Variants in KIAA1217 observed in about 807,000 individuals in gnomAD.
KIAA1217 encodes the protein KIAA1217, also known as sickle tail protein homolog.
Under a neutral mutation model 163.9 loss-of-function variants are expected in KIAA1217, and 88 were observed. The ratio of observed to expected loss-of-function variants is 0.54; its 90% CI spans 0.45 to 0.64. The LOEUF (loss-of-function observed/expected upper bound fraction) is 0.64. Among genes scored for constraint, KIAA1217 ranks in the 30% least tolerant of loss-of-function variants. The probability of loss-of-function intolerance (pLI) is 0.00; values close to 1 mark genes in which losing one functional copy is unlikely to be tolerated. For synonymous variants in KIAA1217, 903 were observed against 923.1 expected (o/e 0.98, Z 0.39); for missense variants, 2,372 against 2,475.0 (o/e 0.96, Z 0.88).
At chr10:24,073,851 G>A (rs904567546) in intron 2 of KIAA1217, among the ~76,000 whole-genome samples, 1 of 152,180 alleles carries the variant, frequency 6.6e-6, no homozygotes. Context: ...GAAGTAGGTA[G>A]GTTCCCAGTG....
At chr10:24,132,815 G>T (rs931726215) in intron 2 of KIAA1217, among the ~76,000 whole-genome samples, 4 of 152,192 alleles carry the variant, frequency 2.6e-5, no homozygotes, top group African/African-American at 9.7e-5. Flanking sequence ...CTGGGGGGCT[G>T]TCTGCCGCCT....
chr10:24,197,768 A>G (rs750268124), intron 2 of KIAA1217, among the ~76,000 whole-genome samples: 72 of 152,310 alleles, frequency 4.7e-4, no homozygotes, highest in Non-Finnish European at 7.1e-4. Context: ...TCTCAAATCC[A>G]TTCTCCACAC....
intron 1 of KIAA1217, among the ~76,000 whole-genome samples, chr10:23,929,608 C>G (rs1205551349): frequency 6.6e-6 from 1 of 152,138 alleles, no homozygotes; most frequent in African/African-American, 2.4e-5. Flanking sequence ...ATAATGGCCT[C>G]CAGCTGCGTC....
intron 1 of KIAA1217, among the ~76,000 whole-genome samples, chr10:23,810,829 C>A (rs1465484629): frequency 8.2e-6 from 1 of 122,070 alleles, no homozygotes; most frequent in African/African-American, 3.3e-5. Context: ...ATTATATATA[C>A]TATATATTAT....
At chr10:24,221,267 C>T (rs1366302994) in intron 2 of KIAA1217, among the ~76,000 whole-genome samples, 2 of 151,902 alleles carry the variant, frequency 1.3e-5, no homozygotes, top group Non-Finnish European at 2.9e-5. Context: ...TTTGAGGCCT[C>T]CTCTACCGAC....
chr10:24,378,297 T>G (rs538644509), intron 2 of KIAA1217, among the ~76,000 whole-genome samples: 94 of 152,258 alleles, frequency 6.2e-4, no homozygotes, highest in Admixed American at 1.3e-3. Context: ...ATTTGATTGA[T>G]CCAGCTAAGA....
intron 2 of KIAA1217, among the ~76,000 whole-genome samples, chr10:24,289,251 G>C (rs1261326282): frequency 2.0e-5 from 3 of 152,176 alleles, no homozygotes; most frequent in Non-Finnish European, 4.4e-5. Flanking sequence ...CTGGGGTGGT[G>C]ACTGATTGAG....
rs559797477 is a variant in KIAA1217, at chr10:23,775,501, G to A, written c.-321+80267G>A. ...ACACCCAGGTGCCAGTGTGCACCCG[G>A]CACTGAGAAATGAGGTCAGGGCTGT... On this transcript the variant is annotated intron_variant, in intron 1 of 18. Coordinates refer to the KIAA1217 transcript ENST00000376462. Among the ~76,000 whole-genome samples, 230 of 152,232 alleles carry A rather than the reference G, an allele frequency of 1.5e-3. 1 individual carries two copies. The highest frequency in any genetic ancestry group is 5.4e-3 in the African/African-American group (224 of 41,522).
intron 3 of KIAA1217, 148 bp downstream of exon 3, chr10:24,381,215 A>C: frequency 1.6e-6 from 1 of 625,008 alleles, no homozygotes; most frequent in South Asian, 4.5e-5. Flanking sequence ...GTTTAATATC[A>C]AGCATTGAGG....
intron 2 of KIAA1217, among the ~76,000 whole-genome samples, chr10:24,364,291 T>G (rs1394973133): frequency 6.6e-6 from 1 of 152,202 alleles, no homozygotes; most frequent in Admixed American, 6.5e-5. Context: ...CCGCTCTTAT[T>G]TTTTAAGAAC....
intron 2 of KIAA1217, among the ~76,000 whole-genome samples, chr10:24,321,214 A>T (rs2133297414): frequency 6.6e-6 from 1 of 152,084 alleles, no homozygotes; most frequent in East Asian, 2.0e-4. Context: ...TTGTACATCC[A>T]CGTTCATAGC....
At chr10:23,845,134 T>C (rs1210864380) in intron 1 of KIAA1217, among the ~76,000 whole-genome samples, 1 of 152,236 alleles carries the variant, frequency 6.6e-6, no homozygotes, top group East Asian at 1.9e-4. Flanking sequence ...ATCCAGTCTA[T>C]CATTGATGGA....
intron 1 of KIAA1217, among the ~76,000 whole-genome samples, chr10:23,972,311 A>T (rs1845347644): frequency 1.3e-5 from 2 of 152,380 alleles, no homozygotes; most frequent in East Asian, 3.9e-4. Context: ...ACACATGCAC[A>T]TGTATGTTTA....
chr10:24,519,249 A>G (rs966337128), intron 10 of KIAA1217, among the ~76,000 whole-genome samples: 2 of 152,082 alleles, frequency 1.3e-5, no homozygotes, highest in East Asian at 1.9e-4. Flanking sequence ...TTTTCTCCGT[A>G]GATTTATAGG....
intron 2 of KIAA1217, among the ~76,000 whole-genome samples, 182 bp from the exon 3 acceptor site, chr10:24,380,687 G>A (rs990494632): frequency 2.6e-5 from 4 of 151,964 alleles, no homozygotes; most frequent in South Asian, 4.2e-4. Context: ...GTTATTTTCC[G>A]GTAATTTTCA....
At chr10:23,957,626 G>A (rs1040488429) in intron 1 of KIAA1217, among the ~76,000 whole-genome samples, 5 of 152,150 alleles carry the variant, frequency 3.3e-5, no homozygotes, top group African/African-American at 1.2e-4. Context: ...GGAAACTGAG[G>A]CAGGAGACTT....
chr10:23,906,873 T>A (rs751828546), intron 1 of KIAA1217, among the ~76,000 whole-genome samples: 23 of 152,104 alleles, frequency 1.5e-4, no homozygotes, highest in Non-Finnish European at 3.2e-4. Flanking sequence ...CATGACTGGG[T>A]TCCCTTACAT....
intron 1 of KIAA1217, among the ~76,000 whole-genome samples, chr10:23,716,217 A>G (rs899684218): frequency 5.9e-5 from 9 of 152,178 alleles, no homozygotes; most frequent in African/African-American, 2.2e-4. Context: ...GCATCTGGAA[A>G]GTTTCTCTTT....
intron 1 of KIAA1217, among the ~76,000 whole-genome samples, chr10:23,854,001 G>A (rs569509836): frequency 1.8e-4 from 28 of 152,160 alleles, no homozygotes; most frequent in African/African-American, 6.0e-4. Flanking sequence ...GGATTTTTGT[G>A]TCTCTATTTC....
Sources: gnomAD v4.1 joint callset for allele counts (sites outside exome capture counted in the v4.1 genomes callset) on GRCh38, gnomAD v4.1.1 for gene constraint, MANE v1.5 for transcripts, NCBI Gene and HGNC (gene_info 2026-07-23, HGNC 2026-07-21) for gene names.